WDR59: variants seen among roughly 807,000 people sequenced by gnomAD.
WDR59 encodes GATOR2 complex protein WDR59.
A neutral mutation model predicts 131.2 loss-of-function variants in WDR59; 100 were observed. That is an observed-to-expected ratio of 0.76 (90% confidence interval 0.65 to 0.90). The LOEUF is 0.90. WDR59 is among the 40% of genes least tolerant of loss of function. WDR59 has a pLI of 0.00. For missense variants in WDR59, 1,203 were observed against 1,262.2 expected (o/e 0.95, Z 0.71); for synonymous variants, 601 against 466.2 (o/e 1.29, Z -3.72).
At chr16:74,937,072 C>T (rs1378079893) in intron 8 of WDR59, among the ~76,000 whole-genome samples, 1 of 151,978 alleles carries the variant, frequency 6.6e-6, no homozygotes. Flanking sequence ...ATTGCTAAAC[C>T]AATTTCTGTG....
chr16:74,885,156 T>G (rs374342417), intron 25 of WDR59, among the ~76,000 whole-genome samples: 1 of 152,050 alleles, frequency 6.6e-6, no homozygotes, highest in Non-Finnish European at 1.5e-5. Flanking sequence ...TCTGTTGCAA[T>G]AGAAACTGCA....
chr16:74,970,495 C>CAA lies in WDR59; in HGVS notation c.55-4675_55-4674dup, dbSNP rs746574195. Among the ~76,000 whole-genome samples, 226 of 33,316 alleles carry CAA rather than the reference C, an allele frequency of 6.8e-3. 10 individuals are homozygous for CAA. Among genetic ancestry groups the CAA allele is most frequent in the African/African-American group, 0.017 (187 of 11,092 alleles). The allele number at this position is 33,316 out of a possible 152,430, so 21.9% of individuals were successfully genotyped here. ...GGGTGACAGAGAGAGACTCTGTCTC[C>CAA]AAAAAAAAAAAAAAAAAAAAAAAAA... On this transcript the variant is annotated intron_variant, in intron 1 of 25. Transcript: ENST00000262144.
intron 11 of WDR59, 76 bp downstream of exon 11, chr16:74,917,853 A>T (rs1194173154): frequency 1.1e-5 from 14 of 1,328,262 alleles, no homozygotes; most frequent in Non-Finnish European, 1.4e-5. Flanking sequence ...TGTAACCTCT[A>T]ATTTCCGCAA....
chr16:74,974,617 A>G (rs1408077265), intron 1 of WDR59, among the ~76,000 whole-genome samples: 1 of 152,112 alleles, frequency 6.6e-6, no homozygotes, highest in Admixed American at 6.6e-5. Flanking sequence ...CTGCTCCTTA[A>G]CTAGTAAGAG....
chr16:74,925,505 C>A (rs1312507291), intron 8 of WDR59, among the ~76,000 whole-genome samples: 1 of 146,094 alleles, frequency 6.8e-6, no homozygotes, highest in East Asian at 2.0e-4. Context: ...GATGGCAACA[C>A]TGCACTCCAG....
chr16:74,925,984 CA>C (rs1022375831), intron 8 of WDR59, among the ~76,000 whole-genome samples: 6 of 99,360 alleles, frequency 6.0e-5, no homozygotes, highest in African/African-American at 8.4e-5. Context: ...GATCCTGTCT[CA>C]AAAAAAAATG....
chr16:74,948,397 C>T (rs1793279267), intron 6 of WDR59, 122 bp downstream of exon 6: 3 of 957,614 alleles, frequency 3.1e-6, no homozygotes, highest in Non-Finnish European at 5.0e-6. Context: ...CACGGCGCAG[C>T]CCAGACAGAG....
chr16:74,913,624 CCAAAGCTGTGGGGTAGACTGAAA>C, intron 13 of WDR59, among the ~76,000 whole-genome samples: 1 of 152,242 alleles, frequency 6.6e-6, no homozygotes, highest in Admixed American at 6.5e-5. Context: ...TTCCTCCCTC[CCAAAGCTGTGGGGTAGACTGAAA>C]CTTGTTATAT....
intron 3 of WDR59, among the ~76,000 whole-genome samples, chr16:74,952,742 G>A (rs1328964875): frequency 6.6e-6 from 1 of 150,702 alleles, no homozygotes; most frequent in African/African-American, 2.4e-5. Context: ...GAAAACAACG[G>A]CAGGCTACTT....
chr16:74,929,047 T>C (rs980927216), intron 8 of WDR59, among the ~76,000 whole-genome samples: 12 of 152,184 alleles, frequency 7.9e-5, no homozygotes, highest in African/African-American at 2.9e-4. Flanking sequence ...AATTAAAACA[T>C]GGGCAAAAGA....
At chr16:74,952,051 A>T (rs74026631) in intron 3 of WDR59, among the ~76,000 whole-genome samples, 3,348 of 151,686 alleles carry the variant, frequency 0.022, 125 homozygotes, top group African/African-American at 0.076. Context: ...TCCTAGGCTC[A>T]AACAATCCCC....
chr16:74,925,853 AC>A (rs1257818372), intron 8 of WDR59, among the ~76,000 whole-genome samples: 1 of 151,890 alleles, frequency 6.6e-6, no homozygotes, highest in African/African-American at 2.4e-5. Context: ...ACAAAGCAAG[AC>A]CCTGTCTCCT....
intron 23 of WDR59, among the ~76,000 whole-genome samples, 185 bp downstream of exon 23, chr16:74,887,498 C>G (rs1425159907): frequency 6.6e-6 from 1 of 152,136 alleles, no homozygotes; most frequent in Non-Finnish European, 1.5e-5. Context: ...CACAAAGACC[C>G]CCAGAACGTG....
At chr16:74,960,056 G>A (rs1288236654) in intron 2 of WDR59, among the ~76,000 whole-genome samples, 4 of 151,978 alleles carry the variant, frequency 2.6e-5, no homozygotes, top group African/African-American at 7.3e-5. Context: ...TAGGCCGGGC[G>A]CAGTGGCTCA....
intron 11 of WDR59, 138 bp from the exon 12 acceptor site, chr16:74,916,397 A>G: frequency 1.8e-6 from 2 of 1,118,546 alleles, no homozygotes. Flanking sequence ...TAATCAAAAT[A>G]GATTTTACCC....
At chr16:74,917,728 G>C (rs1966458584) in intron 11 of WDR59, among the ~76,000 whole-genome samples, 1 of 146,948 alleles carries the variant, frequency 6.8e-6, no homozygotes, top group South Asian at 2.1e-4. Context: ...AGAATCGCTT[G>C]AACCCGGGAG....
intron 1 of WDR59, among the ~76,000 whole-genome samples, chr16:74,978,326 A>G (rs1229305318): frequency 1.3e-5 from 2 of 150,218 alleles, no homozygotes; most frequent in African/African-American, 2.5e-5. Flanking sequence ...GTCTCAAAAA[A>G]AAAAAAAAAA....
In WDR59 at chr16:74,976,973, G is replaced by A. The variant is rs190094500; in HGVS notation, c.54+7991C>T. Among the ~76,000 whole-genome samples, 135 of 152,264 alleles carry A rather than the reference G, an allele frequency of 8.9e-4. 2 individuals carry two copies. The highest frequency in any genetic ancestry group is 3.1e-3 in the African/African-American group (129 of 41,544). On this transcript the variant is annotated intron_variant, in intron 1 of 25. Transcript: ENST00000262144. ...ACTGATTCAAAATCACGGCACTCCA[G>A]CCTGGGCGACATTGCGAGACCCTGT...
chr16:74,918,298 T>C (rs1966489903), intron 10 of WDR59, among the ~76,000 whole-genome samples: 1 of 152,200 alleles, frequency 6.6e-6, no homozygotes, highest in African/African-American at 2.4e-5. Context: ...TATTTTTAGA[T>C]AGAACTCCCC....
Sources: gnomAD v4.1 joint callset for allele counts (sites outside exome capture counted in the v4.1 genomes callset) on GRCh38, gnomAD v4.1.1 for gene constraint, MANE v1.5 for transcripts, NCBI Gene and HGNC (gene_info 2026-07-23, HGNC 2026-07-21) for gene names.